EPM2A: variants seen among roughly 807,000 people sequenced by gnomAD.
EPM2A encodes laforin.
In EPM2A, 21 loss-of-function variants were observed where a neutral mutation model predicts 26.5. The ratio of observed to expected loss-of-function variants is 0.79; its 90% CI spans 0.56 to 1.14. The LOEUF (loss-of-function observed/expected upper bound fraction) is 1.14, where lower values mean the gene tolerates loss of function less well. Ranked by LOEUF, EPM2A falls within the 50% of genes most tolerant of loss-of-function variation. The pLI, the probability that EPM2A is intolerant of heterozygous loss-of-function variation, is 0.00. For missense variants in EPM2A, 458 were observed against 440.8 expected, an observed-to-expected ratio of 1.04 and a Z score of -0.35; for synonymous variants, 217 against 177.6, an observed-to-expected ratio of 1.22 and a Z score of -1.76.
chr6:145,386,628 A>C (rs1168992150), intron 4 of EPM2A, among the ~76,000 whole-genome samples: 1 of 152,186 alleles, frequency 6.6e-6, no homozygotes, highest in Non-Finnish European at 1.5e-5. Context: ...AATAAGTCTT[A>C]AACACAGCCA....
chr6:145,498,956 C>T (rs1295798132), downstream of EPM2A, among the ~76,000 whole-genome samples: 2 of 152,128 alleles, frequency 1.3e-5, no homozygotes, highest in African/African-American at 4.8e-5. Flanking sequence ...TCTCTATTCC[C>T]TCCACCAAGA....
intron 2 of EPM2A, among the ~76,000 whole-genome samples, chr6:145,604,115 A>G (rs897308646): frequency 1.3e-5 from 2 of 152,168 alleles, no homozygotes; most frequent in African/African-American, 4.8e-5. Flanking sequence ...CAACAGATTT[A>G]TAGACAATAA....
At chr6:145,500,932 G>A (rs114058068), downstream of EPM2A, among the ~76,000 whole-genome samples, 3,018 of 152,098 alleles carry the variant, frequency 0.02, 42 homozygotes, top group Admixed American at 0.04. Context: ...CTATTTATTG[G>A]TAAGAGTATA....
chr6:145,502,120 A>T (rs2114752059), intron 3 of EPM2A, among the ~76,000 whole-genome samples: 1 of 152,358 alleles, frequency 6.6e-6, no homozygotes, highest in East Asian at 1.9e-4. Context: ...AGCACAGGTA[A>T]AGGTAAGAGT....
At chr6:145,516,837 G>A (rs954261734) in intron 2 of EPM2A, among the ~76,000 whole-genome samples, 7 of 152,242 alleles carry the variant, frequency 4.6e-5, no homozygotes, top group East Asian at 3.9e-4. Flanking sequence ...CAGCAATCCC[G>A]CTTCTGTATA....
At chr6:145,718,745 A>C (rs1028252463) in intron 1 of EPM2A, among the ~76,000 whole-genome samples, 3 of 152,256 alleles carry the variant, frequency 2.0e-5, no homozygotes, top group Admixed American at 6.5e-5. Flanking sequence ...AATATCCAGA[A>C]TCTACAATGA....
intron 2 of EPM2A, among the ~76,000 whole-genome samples, chr6:145,513,697 T>G (rs988859103): frequency 1.3e-5 from 2 of 152,248 alleles, no homozygotes; most frequent in Non-Finnish European, 2.9e-5. Flanking sequence ...TGATTATTCA[T>G]GACATGCAAG....
intron 2 of EPM2A, among the ~76,000 whole-genome samples, chr6:145,562,952 G>A (rs1240248379): frequency 1.3e-5 from 2 of 151,104 alleles, no homozygotes. Flanking sequence ...GAGATCAAAC[G>A]TCCTACTCAA....
chr6:145,389,205 CTT>C (rs1162002053), intron 4 of EPM2A, among the ~76,000 whole-genome samples: 4 of 143,234 alleles, frequency 2.8e-5, no homozygotes, highest in Admixed American at 7.0e-5. Context: ...ATCTTTTTTT[CTT>C]TTTTTTTTTT....
upstream of EPM2A, chr6:145,735,570 C>A (rs1462112857): frequency 1.8e-6 from 2 of 1,103,152 alleles, no homozygotes; most frequent in Non-Finnish European, 2.2e-6. Flanking sequence ...GAGCACTAGG[C>A]GGCCGCAGCG....
chr6:145,432,938 T>G (rs1037292321), intron 4 of EPM2A, among the ~76,000 whole-genome samples: 4 of 152,180 alleles, frequency 2.6e-5, no homozygotes, highest in African/African-American at 9.7e-5. Flanking sequence ...TTAAACCTGG[T>G]GAACCAACTT....
At position 145,535,558 on chromosome 6, in the gene EPM2A, G is replaced by A. The variant is rs530892375; in HGVS notation, c.341-32983C>T. 3.3e-5 allele frequency among the ~76,000 whole-genome samples: 5 copies of A among 152,280 alleles called. No homozygotes were observed. The South Asian group carries it at 1.0e-3, about 32-fold the overall frequency. On this transcript the variant is annotated intron_variant, in intron 2 of 3. Transcript: ENST00000450221. ...ACCTCCAGCTTCCAGAAGACCCAGCGAGGAGCTTGACTGGGAAGTGCAGAC... is the reference window on the plus strand; with the variant it reads ...ACCTCCAGCTTCCAGAAGACCCAGCAAGGAGCTTGACTGGGAAGTGCAGAC...
intron 4 of EPM2A, among the ~76,000 whole-genome samples, chr6:145,457,360 T>C (rs1490068412): frequency 6.6e-6 from 1 of 151,622 alleles, no homozygotes; most frequent in Admixed American, 6.6e-5. Context: ...GGTGGGTGCC[T>C]GTAGTCCCAG....
rs1439774285 is a variant in EPM2A at position 145,393,819 on chromosome 6, ATTTTTTTTTC to A, written c.556-9732_556-9723del. Among the ~76,000 whole-genome samples the A allele has an allele frequency of 4.9e-4, 73 of 148,472 alleles. 1 individual carries two copies. The highest frequency in any genetic ancestry group is 4.2e-3 in the East Asian group (21 of 5,036). Reference sequence around the variant, plus strand: ...CAGGGTCACTAATCAACCTATGACTATTTTTTTTTCTTTTTTTTTTTTGAGACAGAGTCTC... The same window carrying A: ...CAGGGTCACTAATCAACCTATGACTATTTTTTTTTTTTGAGACAGAGTCTC... On this transcript the variant is annotated intron_variant, in intron 4 of 4. Transcript: ENST00000638717.
At chr6:145,536,270 TGTTTTTG>T (rs149044828) in intron 2 of EPM2A, among the ~76,000 whole-genome samples, 13,469 of 150,862 alleles carry the variant, frequency 0.089, 746 homozygotes, top group East Asian at 0.18. Flanking sequence ...TTTTTGTTTT[TGTTTTTG>T]TTTTGGTTTT....
At chr6:145,644,221 T>A (rs555331380) in intron 2 of EPM2A, among the ~76,000 whole-genome samples, 1 of 152,212 alleles carries the variant, frequency 6.6e-6, no homozygotes, top group Non-Finnish European at 1.5e-5. Context: ...TTAATGCTAA[T>A]ATTAACCAGG....
chr6:145,576,173 G>T (rs572653245), intron 2 of EPM2A, among the ~76,000 whole-genome samples: 244 of 152,184 alleles, frequency 1.6e-3, no homozygotes, highest in Non-Finnish European at 3.0e-3. Flanking sequence ...CACAATTCCT[G>T]CCCAGGAAGA....
chr6:145,735,546 G>T, upstream of EPM2A: 1 of 1,136,846 alleles, frequency 8.8e-7, no homozygotes, highest in Non-Finnish European at 1.1e-6. Flanking sequence ...CCCCGCGGCC[G>T]GCAGGCGCGG....
At chr6:145,445,460 G>A (rs577542914) in intron 4 of EPM2A, among the ~76,000 whole-genome samples, 1 of 152,278 alleles carries the variant, frequency 6.6e-6, no homozygotes, top group South Asian at 2.1e-4. Context: ...GTTTTATCCA[G>A]TATAGAGAAT....
Sources: gnomAD v4.1 joint callset for allele counts (sites outside exome capture counted in the v4.1 genomes callset) on GRCh38, gnomAD v4.1.1 for gene constraint, MANE v1.5 for transcripts, NCBI Gene and HGNC (gene_info 2026-07-23, HGNC 2026-07-21) for gene names.